GPC5: variants seen among roughly 807,000 people sequenced by gnomAD.
GPC5 encodes the protein glypican 5.
Under a neutral mutation model 53.9 loss-of-function variants are expected in GPC5, and 47 were observed. That is an observed-to-expected ratio of 0.87 (90% CI 0.69 to 1.11). The LOEUF (loss-of-function observed/expected upper bound fraction) is 1.11, where lower values mean the gene tolerates loss of function less well. GPC5 is among the 50% of genes most tolerant of loss of function. GPC5 has a pLI of 0.00. For synonymous variants in GPC5, 286 were observed against 263.3 expected (o/e 1.09, Z -0.84); for missense variants, 748 against 713.1 (o/e 1.05, Z -0.56).
chr13:91,862,079 T>TA (rs1403682882), intron 5 of GPC5, among the ~76,000 whole-genome samples: 4 of 152,078 alleles, frequency 2.6e-5, no homozygotes, highest in African/African-American at 9.7e-5. Flanking sequence ...AATTGAACGA[T>TA]AAAAAAAGTA....
intron 2 of GPC5, among the ~76,000 whole-genome samples, chr13:91,538,252 A>G (rs1015606079): frequency 2.0e-5 from 3 of 152,122 alleles, no homozygotes; most frequent in African/African-American, 7.2e-5. Flanking sequence ...ACATTTTTGG[A>G]TATTTGGAAG....
chr13:92,157,499 A>G (rs1437425770), intron 7 of GPC5, among the ~76,000 whole-genome samples: 1 of 152,180 alleles, frequency 6.6e-6, no homozygotes, highest in Non-Finnish European at 1.5e-5. Flanking sequence ...TCTCATAAAG[A>G]TGGCTCCTTG....
At chr13:92,853,243 C>A (rs943759627) in intron 7 of GPC5, among the ~76,000 whole-genome samples, 1 of 152,116 alleles carries the variant, frequency 6.6e-6, no homozygotes, top group Non-Finnish European at 1.5e-5. Context: ...CTGTGATCAA[C>A]CCCAATCTGA....
At chr13:92,760,213 A>T (rs1405451192) in intron 7 of GPC5, among the ~76,000 whole-genome samples, 2 of 152,068 alleles carry the variant, frequency 1.3e-5, no homozygotes, top group Admixed American at 6.6e-5. Context: ...GTTAGGAAGT[A>T]TTTGCTTCAA....
chr13:91,646,081 G>A (rs574665314), intron 2 of GPC5, among the ~76,000 whole-genome samples: 150 of 152,250 alleles, frequency 9.9e-4, no homozygotes, highest in African/African-American at 3.3e-3. Context: ...TTAAACATAC[G>A]TATATGAAAG....
chr13:91,595,956 C>A (rs1175231435), intron 2 of GPC5, among the ~76,000 whole-genome samples: 1 of 152,178 alleles, frequency 6.6e-6, no homozygotes, highest in Non-Finnish European at 1.5e-5. Flanking sequence ...ATATTGAAAT[C>A]TATGACTTTA....
chr13:91,433,535 A>C (rs932916856), intron 1 of GPC5, among the ~76,000 whole-genome samples: 1 of 152,018 alleles, frequency 6.6e-6, no homozygotes, highest in Non-Finnish European at 1.5e-5. Context: ...TGAACTCATC[A>C]TTTTTTATGG....
chr13:92,798,206 G>A (rs544453874), intron 7 of GPC5, among the ~76,000 whole-genome samples: 1 of 151,642 alleles, frequency 6.6e-6, no homozygotes, highest in Non-Finnish European at 1.5e-5. Flanking sequence ...TTGTTTTTTG[G>A]GTATTTTTTT....
intron 7 of GPC5, among the ~76,000 whole-genome samples, chr13:92,861,495 A>C (rs1028001225): frequency 3.3e-5 from 5 of 152,170 alleles, no homozygotes; most frequent in African/African-American, 9.6e-5. Context: ...CCAGTGAAGA[A>C]GACTTTCCCT....
At chr13:91,619,532 T>C (rs1378784787) in intron 2 of GPC5, among the ~76,000 whole-genome samples, 1 of 152,110 alleles carries the variant, frequency 6.6e-6, no homozygotes, top group East Asian at 1.9e-4. Flanking sequence ...AGGATTTTAA[T>C]TGGTTCCACA....
chr13:91,401,561 A>G (rs1392526240), intron 1 of GPC5, among the ~76,000 whole-genome samples: 3 of 152,132 alleles, frequency 2.0e-5, no homozygotes, highest in Non-Finnish European at 4.4e-5. Context: ...AAACAAACAC[A>G]TTTAATTTGA....
chr13:91,415,462 T>A (rs1376548021), intron 1 of GPC5, among the ~76,000 whole-genome samples: 1 of 152,086 alleles, frequency 6.6e-6, no homozygotes, highest in Non-Finnish European at 1.5e-5. Flanking sequence ...CTTTCCCCAG[T>A]CCACAGCCGC....
intron 7 of GPC5, among the ~76,000 whole-genome samples, chr13:92,775,282 C>T (rs1357590164): frequency 6.6e-6 from 1 of 152,068 alleles, no homozygotes; most frequent in Non-Finnish European, 1.5e-5. Flanking sequence ...TAATTTTCCT[C>T]AAATAACAAA....
chr13:92,154,351 C>G (rs544048029), intron 7 of GPC5, among the ~76,000 whole-genome samples: 2 of 152,206 alleles, frequency 1.3e-5, no homozygotes, highest in East Asian at 3.9e-4. Flanking sequence ...TCACCCCTTT[C>G]TATCAGGTTA....
At chr13:92,540,224 A>G (rs1226267326) in intron 7 of GPC5, among the ~76,000 whole-genome samples, 1 of 152,010 alleles carries the variant, frequency 6.6e-6, no homozygotes, top group African/African-American at 2.4e-5. Flanking sequence ...GGCAACGTAT[A>G]TGAAGAAAAC....
intron 6 of GPC5, among the ~76,000 whole-genome samples, chr13:92,033,695 A>G (rs2040871315): frequency 6.6e-6 from 1 of 152,172 alleles, no homozygotes; most frequent in African/African-American, 2.4e-5. Context: ...AATTTAATTA[A>G]GTTATATGGG....
chr13:91,742,103 C>T (rs2036946777), intron 4 of GPC5, among the ~76,000 whole-genome samples: 1 of 152,064 alleles, frequency 6.6e-6, no homozygotes, highest in African/African-American at 2.4e-5. Context: ...GAGGCCAGAG[C>T]AGGTATGGAG....
In GPC5 at chr13:91,849,865, A is replaced by C. The variant is rs963520786; in HGVS notation, c.1281-58072A>C. 2.0e-5 allele frequency among the ~76,000 whole-genome samples: 3 copies of C among 151,290 alleles called. No individual in the cohort carries two copies. The East Asian group carries it at 5.9e-4, about 30-fold the overall frequency. On this transcript the variant is annotated intron_variant, in intron 5 of 7. Transcript: ENST00000377067. ...AAATGATGTCATGTGACCATGGAAT[A>C]TTAGAGCTATTATGGGACTAAGAAA...
intron 7 of GPC5, among the ~76,000 whole-genome samples, chr13:92,428,876 C>G (rs141734897): frequency 6.6e-6 from 1 of 152,178 alleles, no homozygotes; most frequent in African/African-American, 2.4e-5. Flanking sequence ...TGGCAAATCT[C>G]TGGCTTCAAG....
Sources: allele counts gnomAD v4.1 joint callset (sites outside exome capture counted in the v4.1 genomes callset), GRCh38; gene constraint gnomAD v4.1.1; transcripts MANE v1.5; gene names NCBI Gene and HGNC (gene_info 2026-07-23, HGNC 2026-07-21).